FARS2: variants seen among roughly 807,000 people sequenced by gnomAD.
FARS2 encodes phenylalanyl-tRNA synthetase 2, mitochondrial, also known as phenylalanine--tRNA ligase, mitochondrial.
In FARS2, 40 loss-of-function variants were observed where a neutral mutation model predicts 46.4. The ratio of observed to expected loss-of-function variants is 0.86; its 90% CI spans 0.67 to 1.12. The LOEUF (loss-of-function observed/expected upper bound fraction) is 1.12, where lower values mean the gene tolerates loss of function less well. Among genes scored for constraint, FARS2 ranks in the 50% most tolerant of loss-of-function variants. The pLI is 0.00. For missense variants in FARS2, 513 were observed against 567.9 expected (o/e 0.90, Z 0.98); for synonymous variants, 234 against 214.9 (o/e 1.09, Z -0.78).
chr6:5,762,459 A>G (rs2150979864), intron 6 of FARS2, among the ~76,000 whole-genome samples: 1 of 152,334 alleles, frequency 6.6e-6, no homozygotes, highest in Non-Finnish European at 1.5e-5. Flanking sequence ...GCAAGGACCA[A>G]GGAGCTCGGC....
chr6:5,359,469 G>T (rs1437613680), intron 1 of FARS2, among the ~76,000 whole-genome samples: 3 of 152,138 alleles, frequency 2.0e-5, no homozygotes, highest in Non-Finnish European at 4.4e-5. Context: ...TGCACAAAAG[G>T]TAGCTATTAC....
chr6:5,493,209 CAAAAAAA>C (rs34541325), intron 4 of FARS2, among the ~76,000 whole-genome samples: 2 of 92,880 alleles, frequency 2.2e-5, no homozygotes, highest in Admixed American at 1.2e-4. Flanking sequence ...GACTGTGTCT[CAAAAAAA>C]AAAAAAAAAA....
At chr6:5,450,220 G>A (rs1036678222) in intron 4 of FARS2, among the ~76,000 whole-genome samples, 2 of 152,064 alleles carry the variant, frequency 1.3e-5, no homozygotes, top group Non-Finnish European at 2.9e-5. Flanking sequence ...AGTGTGTGCT[G>A]ACACCTGCTG....
intron 3 of FARS2, among the ~76,000 whole-genome samples, chr6:5,429,181 A>T (rs1430649631): frequency 6.6e-6 from 1 of 152,152 alleles, no homozygotes; most frequent in Non-Finnish European, 1.5e-5. Context: ...TGGTGACAGT[A>T]TCATGGGTGC....
chr6:5,637,813 T>C (rs2150732851), intron 6 of FARS2, among the ~76,000 whole-genome samples: 1 of 152,296 alleles, frequency 6.6e-6, no homozygotes, highest in Middle Eastern at 3.4e-3. Context: ...CCCCGCTCCG[T>C]ATGTGTCTGT....
intron 1 of FARS2, among the ~76,000 whole-genome samples, chr6:5,276,388 A>G (rs1172554263): frequency 6.6e-6 from 1 of 152,174 alleles, no homozygotes; most frequent in Non-Finnish European, 1.5e-5. Flanking sequence ...CACATAATTT[A>G]TTTCCTACAT....
chr6:5,611,796 C>T (rs546863605), intron 5 of FARS2, among the ~76,000 whole-genome samples: 1 of 152,284 alleles, frequency 6.6e-6, no homozygotes, highest in African/African-American at 2.4e-5. Flanking sequence ...ACACGTGTTT[C>T]ATTGGGACAC....
intron 1 of FARS2, among the ~76,000 whole-genome samples, chr6:5,277,772 A>G (rs907064977): frequency 6.6e-6 from 1 of 152,212 alleles, no homozygotes; most frequent in African/African-American, 2.4e-5. Context: ...AATATGCAAG[A>G]ACATTGGCTT....
At chr6:5,750,558 G>A (rs1280923916) in intron 6 of FARS2, among the ~76,000 whole-genome samples, 3 of 152,132 alleles carry the variant, frequency 2.0e-5, no homozygotes, top group African/African-American at 7.2e-5. Flanking sequence ...GGAAGAGAAG[G>A]GTCCCAGGTG....
intron 2 of FARS2, among the ~76,000 whole-genome samples, chr6:5,387,797 G>A (rs1162561962): frequency 6.6e-6 from 1 of 152,158 alleles, no homozygotes; most frequent in Non-Finnish European, 1.5e-5. Flanking sequence ...CTTCTCTCAC[G>A]ATAAGAGACT....
At chr6:5,703,837 A>G (rs530180239) in intron 6 of FARS2, among the ~76,000 whole-genome samples, 11 of 152,146 alleles carry the variant, frequency 7.2e-5, no homozygotes, top group Non-Finnish European at 1.5e-4. Context: ...CCACCCTTGG[A>G]AAAGGCTGTG....
intron 4 of FARS2, among the ~76,000 whole-genome samples, chr6:5,537,307 G>A (rs1489729339): frequency 6.6e-6 from 1 of 152,252 alleles, no homozygotes; most frequent in Non-Finnish European, 1.5e-5. Context: ...GACATCCTGT[G>A]CCTTTGAAGG....
intron 3 of FARS2, among the ~76,000 whole-genome samples, chr6:5,405,185 C>T (rs551043436): frequency 8.5e-5 from 13 of 152,234 alleles, no homozygotes; most frequent in South Asian, 2.1e-4. Context: ...ATACACTTTA[C>T]GCACATAGTC....
At chr6:5,491,747 C>T (rs1477305889) in intron 4 of FARS2, among the ~76,000 whole-genome samples, 1 of 152,236 alleles carries the variant, frequency 6.6e-6, no homozygotes, top group Non-Finnish European at 1.5e-5. Context: ...TCTCGCTAGT[C>T]CCTTTAACAC....
chr6:5,537,756 C>T (rs1343816981), intron 4 of FARS2, among the ~76,000 whole-genome samples: 2 of 152,198 alleles, frequency 1.3e-5, no homozygotes, highest in Non-Finnish European at 2.9e-5. Flanking sequence ...TTAGAAGGGT[C>T]GCCCTGTGGG....
intron 4 of FARS2, among the ~76,000 whole-genome samples, chr6:5,491,666 C>G (rs973431179): frequency 2.6e-5 from 4 of 152,144 alleles, no homozygotes; most frequent in Non-Finnish European, 4.4e-5. Flanking sequence ...ATAGCACATT[C>G]GTCATTTTCT....
At chr6:5,373,374 C>T (rs966655029) in intron 2 of FARS2, among the ~76,000 whole-genome samples, 6 of 151,998 alleles carry the variant, frequency 3.9e-5, no homozygotes, top group African/African-American at 1.4e-4. Flanking sequence ...AACGTGTCTC[C>T]TGAAGGAAGG....
intron 6 of FARS2, among the ~76,000 whole-genome samples, chr6:5,615,258 G>C (rs1385002634): frequency 1.3e-5 from 2 of 152,120 alleles, no homozygotes; most frequent in African/African-American, 4.8e-5. Context: ...GCTCTCCTTT[G>C]TCTGACTTCT....
intron 1 of FARS2, among the ~76,000 whole-genome samples, chr6:5,305,244 A>G (rs1157152652): frequency 2.0e-5 from 3 of 152,214 alleles, no homozygotes; most frequent in African/African-American, 7.2e-5. Flanking sequence ...ACATGCCTTC[A>G]TGTAGGAACT....
Sources: gnomAD v4.1 joint callset for allele counts (sites outside exome capture counted in the v4.1 genomes callset) on GRCh38, gnomAD v4.1.1 for gene constraint, MANE v1.5 for transcripts, NCBI Gene and HGNC (gene_info 2026-07-23, HGNC 2026-07-21) for gene names.